VPS52: variants seen among roughly 807,000 people sequenced by gnomAD.
The protein encoded by VPS52 is VPS52 subunit of GARP complex, also known as vacuolar protein sorting-associated protein 52 homolog.
A neutral mutation model predicts 98.7 loss-of-function variants in VPS52; 56 were observed. The ratio of observed to expected loss-of-function variants is 0.57; its 90% CI spans 0.46 to 0.71. The LOEUF (loss-of-function observed/expected upper bound fraction) is 0.71. VPS52 is among the 30% of genes least tolerant of loss of function. VPS52 has a pLI of 0.00. For missense variants in VPS52, 742 were observed against 925.9 expected (o/e 0.80, Z 2.58); for synonymous variants, 348 against 346.4 (o/e 1.00, Z -0.05).
rs752460243 is a variant in VPS52, at chr6:33,271,701, TGTCA to T, written c.-30_-27del. ...TCCCCGCAGCCTCACTTCCGGCAAC[TGTCA>T]GTCCCGGCGAGTCCGTTCCCCGGAG... On this transcript the variant is annotated 5_prime_UTR_variant, in exon 1 of 20. Transcript: ENST00000445902. 9 of 1,594,250 alleles carry T rather than the reference TGTCA, an allele frequency of 5.6e-6. No individual in the cohort carries two copies. The highest frequency in any genetic ancestry group is 3.4e-5 in the South Asian group (3 of 88,432).
chr6:33,259,494 G>A (rs1323697149), intron 17 of VPS52, among the ~76,000 whole-genome samples: 1 of 152,106 alleles, frequency 6.6e-6, no homozygotes, highest in Admixed American at 6.6e-5. Flanking sequence ...GATGCTCAAT[G>A]TTATTAGTAA....
In VPS52 at chr6:33,250,801, A is replaced by G; in HGVS notation, c.*40T>C. 30 of 1,599,772 alleles carry G rather than the reference A, an allele frequency of 1.9e-5. No homozygotes were observed. Among genetic ancestry groups the G allele is most frequent in the Non-Finnish European group, 2.6e-5 (30 of 1,170,722 alleles). The stretch of plus-strand genomic sequence containing the variant: ...GGTATGGAATGGGGTGCAGAAGTCC[A>G]TGGAGATGACCGGCAGATCTCAGGG... On this transcript the variant is annotated 3_prime_UTR_variant, in exon 20 of 20. Transcript: ENST00000445902.
At chr6:33,266,417 A>T in intron 12 of VPS52, 140 bp downstream of exon 12, 1 of 1,140,260 alleles carries the variant, frequency 8.8e-7, no homozygotes, top group East Asian at 2.5e-5. Context: ...ATGGGTGTGC[A>T]CTACCACGCC....
At position 33,250,460 on chromosome 6, in the gene VPS52, G is replaced by A. The variant is rs1002011; in HGVS notation, c.*381C>T. The A allele has an allele frequency of 0.011, 2,098 of 197,666 alleles. 154 individuals carry two copies. The Admixed American group carries it at 0.11, about 10-fold the overall frequency. 12.2% of individuals were successfully genotyped at this position (197,666 alleles called of 1,614,324 possible). On this transcript the variant is annotated 3_prime_UTR_variant, in exon 20 of 20. Coordinates refer to ENST00000445902, the MANE Select transcript of VPS52 (RefSeq NM_022553.6). Reference sequence around the variant, plus strand: ...CCTTGCCAGCAATTCCAAGAGCTGAGGAGGCTTCATGCCTCAGGACATGGT... The same window carrying A: ...CCTTGCCAGCAATTCCAAGAGCTGAAGAGGCTTCATGCCTCAGGACATGGT...
intron 12 of VPS52, 43 bp from the exon 13 acceptor site, chr6:33,264,943 A>G: frequency 6.5e-7 from 1 of 1,530,598 alleles, no homozygotes; most frequent in Non-Finnish European, 9.0e-7. Flanking sequence ...AGAGAATGTC[A>G]GTTTGTTGTC....
intron 17 of VPS52, among the ~76,000 whole-genome samples, chr6:33,255,212 G>C (rs1009968016): frequency 2.0e-5 from 3 of 152,124 alleles, no homozygotes; most frequent in Non-Finnish European, 4.4e-5. Flanking sequence ...GGAGTGACCA[G>C]AGGAAACAGT....
At chr6:33,263,414 C>CACACACACACACACAG (rs142124369) in intron 17 of VPS52, 70 bp downstream of exon 17, 31,143 of 936,968 alleles carry the variant, frequency 0.033, 300 homozygotes, top group East Asian at 0.1. Context: ...CACACACACA[C>CACACACACACACACAG]AGAGAGAGAG....
chr6:33,251,185 T>A (rs958466579), intron 19 of VPS52, among the ~76,000 whole-genome samples, 198 bp from the exon 20 acceptor site: 1 of 151,710 alleles, frequency 6.6e-6, no homozygotes, highest in African/African-American at 2.4e-5. Flanking sequence ...CTACTACAAA[T>A]ACGAAAATTA....
intron 17 of VPS52, among the ~76,000 whole-genome samples, chr6:33,252,581 TCC>T (rs1280549291): frequency 3.2e-5 from 3 of 93,010 alleles, no homozygotes; most frequent in Non-Finnish European, 5.8e-5. Context: ...AGAGCAAGAC[TCC>T]GTCTCAAAAA....
At chr6:33,255,850 C>CCTCAAACT (rs1762883542) in intron 17 of VPS52, among the ~76,000 whole-genome samples, 1 of 151,626 alleles carries the variant, frequency 6.6e-6, no homozygotes, top group African/African-American at 2.4e-5. Context: ...AGGCAGATCC[C>CCTCAAACT]CTCAAACTCT....
chr6:33,269,120 G>A lies in VPS52; in HGVS notation c.442C>T (p.Gln148Ter). 1 of 1,613,018 alleles carries A rather than the reference G, an allele frequency of 6.2e-7. No homozygotes were observed. Among genetic ancestry groups the A allele is most frequent in the Non-Finnish European group, 8.5e-7 (1 of 1,180,014 alleles). ...ATGTTCATGGCTCCTGACTGTTCCT[G>A]CAGTGTCCGGATCTCAGAGCTGATG... is the stretch of plus-strand genomic sequence containing the variant. ...SSISSEIRTLQEQSGAMNIRL... is the reference protein window; with the variant it reads ...SSISSEIRTL The change falls in exon 6 of 20, where the codon CAG becomes TAG. Residue 148 changes from glutamine (Q) to a stop codon, truncating the protein, a stop_gained. Coordinates refer to ENST00000445902, the MANE Select transcript of VPS52 (RefSeq NM_022553.6). LOFTEE classifies it high-confidence loss of function.
intron 17 of VPS52, among the ~76,000 whole-genome samples, chr6:33,256,515 C>CCATGAT (rs1337909511): frequency 4.3e-5 from 6 of 137,932 alleles, no homozygotes; most frequent in African/African-American, 1.4e-4. Context: ...GATAGGGAGC[C>CCATGAT]CATGATCATG....
chr6:33,252,050 G>C, intron 17 of VPS52, 79 bp from the exon 18 acceptor site: 1 of 1,155,068 alleles, frequency 8.7e-7, no homozygotes, highest in Non-Finnish European at 1.3e-6. Flanking sequence ...GACTAATGTA[G>C]ATCCATCTGA....
At chr6:33,266,834 A>G (rs1428766188) in intron 11 of VPS52, 122 bp from the exon 12 acceptor site, 11 of 1,305,078 alleles carry the variant, frequency 8.4e-6, no homozygotes, top group Non-Finnish European at 1.1e-5. Flanking sequence ...CTTCGCATCT[A>G]TCTAGGTCCG....
Position 33,264,777 on chromosome 6 carries a change from G to GTGTCCC in VPS52, c.1400+4_1400+5insGGGACA. Reference sequence around the variant, plus strand: ...GTTGGGCATCAAGGACCAGAATTCAGTGACCTGTCCAGGGCAGGAACATCC... The same window carrying GTGTCCC: ...GTTGGGCATCAAGGACCAGAATTCAGTGTCCCTGACCTGTCCAGGGCAGGAACATCC... On this transcript the variant is annotated splice_donor_region_variant and intron_variant, in intron 13 of 19. Coordinates refer to ENST00000445902, the MANE Select transcript of VPS52 (RefSeq NM_022553.6). 1 of 1,612,414 alleles carries GTGTCCC rather than the reference G, an allele frequency of 6.2e-7. No individual in the cohort carries two copies. Among genetic ancestry groups the GTGTCCC allele is most frequent in the African/African-American group, 1.3e-5 (1 of 75,022 alleles).
chr6:33,250,920 C>T lies in VPS52; in HGVS notation c.2093G>A (p.Arg698Gln), dbSNP rs1399743019. ...FHRVLSQPQL[R>Q]ALPARAELIN... ...GAGCTCAGCCCGGGCAGGGAGGGCTCGGAGCTGCGGCTGGGACAGCACCCG... is the reference window on the plus strand; with the variant it reads ...GAGCTCAGCCCGGGCAGGGAGGGCTTGGAGCTGCGGCTGGGACAGCACCCG... Residue 698 changes from arginine to glutamine, a missense_variant, in exon 20 of 20, where the codon CGA (arginine) becomes CAA (glutamine). Physicochemically the swap from Arg to Gln is conservative, Grantham distance 43 (BLOSUM62 1). Around this residue, in one of 2 missense-constraint regions of VPS52, gnomAD observed 590 missense variants for 793.3 expected, o/e 0.74. Coordinates refer to ENST00000445902, the MANE Select transcript of VPS52 (RefSeq NM_022553.6). 5.0e-6 allele frequency: 8 copies of T among 1,612,886 alleles called. No homozygotes were observed. The highest frequency in any genetic ancestry group is 1.1e-5 in the South Asian group (1 of 91,084).
At position 33,250,919 on chromosome 6, in the gene VPS52, T is replaced by G; in HGVS notation, c.2094A>C (p.Arg698=). 3 of 1,613,014 alleles carry G rather than the reference T, an allele frequency of 1.9e-6. No individual in the cohort carries two copies. The highest frequency in any genetic ancestry group is 2.5e-6 in the Non-Finnish European group (3 of 1,180,012). The part of the protein sequence containing the change: ...FHRVLSQPQL[R]ALPARAELIN... ...TGAGCTCAGCCCGGGCAGGGAGGGC[T>G]CGGAGCTGCGGCTGGGACAGCACCC... Residue 698 remains arginine, a synonymous_variant, in exon 20 of 20, where the codon CGA becomes CGC. Coordinates refer to ENST00000445902, the MANE Select transcript of VPS52 (RefSeq NM_022553.6).
Position 33,270,055 on chromosome 6 carries a change from G to T in VPS52, c.176-4C>A. ...TCCAGATTTGCCTGAATGTGAACTG[G>T]AAATAGAAGTTTATCATAAGGGTCC... On this transcript the variant is annotated splice_polypyrimidine_tract_variant and splice_region_variant and intron_variant, in intron 2 of 19. Coordinates refer to ENST00000445902, the MANE Select transcript of VPS52 (RefSeq NM_022553.6). 1 of 1,614,158 alleles carries T rather than the reference G, an allele frequency of 6.2e-7. No homozygotes were observed. Among genetic ancestry groups the T allele is most frequent in the Non-Finnish European group, 8.5e-7 (1 of 1,180,014 alleles).
At chr6:33,262,836 T>C (rs1375685625) in intron 17 of VPS52, among the ~76,000 whole-genome samples, 3 of 152,214 alleles carry the variant, frequency 2.0e-5, no homozygotes, top group East Asian at 3.8e-4. Flanking sequence ...ATTGAACTCA[T>C]GTACTCATGT....
Sources: allele counts gnomAD v4.1 joint callset (sites outside exome capture counted in the v4.1 genomes callset), GRCh38; gene constraint gnomAD v4.1.1; regional missense constraint gnomAD v4.1.1; transcripts MANE v1.5; gene names NCBI Gene and HGNC (gene_info 2026-07-23, HGNC 2026-07-21).